The following DENND1B variants were observed in gnomAD, a reference collection of about 807,000 sequenced individuals.
DENND1B encodes DENN domain containing 1B, also known as DENN domain-containing protein 1B.
In DENND1B, 59 loss-of-function variants were observed where a neutral mutation model predicts 90.1. The observed-to-expected ratio is 0.65, with a 90% CI of 0.53 to 0.81. The LOEUF (loss-of-function observed/expected upper bound fraction) is 0.81. Among genes scored for constraint, DENND1B ranks in the 40% least tolerant of loss-of-function variants. The pLI is 0.00. For missense variants in DENND1B, 862 were observed against 912.6 expected (o/e 0.94, Z 0.71); for synonymous variants, 337 against 324.6 (o/e 1.04, Z -0.41).
chr1:197,527,727 T>C (rs968469526), intron 20 of DENND1B, among the ~76,000 whole-genome samples: 1 of 152,254 alleles, frequency 6.6e-6, no homozygotes, highest in Non-Finnish European at 1.5e-5. Flanking sequence ...TGTATTATTT[T>C]GTAAACGTTT....
At chr1:197,750,175 T>C (rs972777017) in intron 2 of DENND1B, among the ~76,000 whole-genome samples, 13 of 152,162 alleles carry the variant, frequency 8.5e-5, no homozygotes, top group African/African-American at 2.9e-4. Context: ...GAAAAAATAG[T>C]GTATGACAGC....
At chr1:197,530,169 T>G (rs1669517772) in intron 20 of DENND1B, among the ~76,000 whole-genome samples, 1 of 152,202 alleles carries the variant, frequency 6.6e-6, no homozygotes, top group Admixed American at 6.5e-5. Context: ...AAAGATAAGC[T>G]AAATAATGGA....
intron 10 of DENND1B, among the ~76,000 whole-genome samples, chr1:197,636,133 C>T (rs979005937): frequency 6.6e-6 from 1 of 151,810 alleles, no homozygotes; most frequent in East Asian, 1.9e-4. Flanking sequence ...AATGAGTAAC[C>T]AATAGATTTT....
Position 197,539,991 on chromosome 1 carries a change from T to A in DENND1B, c.1488A>T (p.Gly496=). 1 of 1,613,380 alleles carries A rather than the reference T, an allele frequency of 6.2e-7. No individual in the cohort carries two copies. ...PVYKLHNEKG[G]NSEKRKLAQA... ...GAGCAAGCTTACGCTTTTCTGAGTT[T>A]CCTCCCTTTTCATTGTGTAATTTGT... Residue 496 remains glycine (G), a synonymous_variant, in exon 20 of 23, where the codon GGA becomes GGT. Transcript: ENST00000620048.
At chr1:197,643,421 T>G (rs2477553) in intron 9 of DENND1B, among the ~76,000 whole-genome samples, 29,493 of 151,896 alleles carry the variant, frequency 0.19, 2,957 homozygotes, top group Non-Finnish European at 0.2. Flanking sequence ...CCTCCCAAGT[T>G]CTGGGATTAC....
chr1:197,562,473 T>C (rs1490386367), intron 15 of DENND1B, among the ~76,000 whole-genome samples: 2 of 151,862 alleles, frequency 1.3e-5, no homozygotes, highest in African/African-American at 4.8e-5. Context: ...ATTACAGGAT[T>C]ATATTATATG....
intron 12 of DENND1B, among the ~76,000 whole-genome samples, chr1:197,610,391 C>T (rs1171740692): frequency 6.7e-6 from 1 of 150,084 alleles, no homozygotes; most frequent in African/African-American, 2.4e-5. Context: ...AATATATACC[C>T]TTTTATACAG....
At chr1:197,528,578 T>C (rs1051483744) in intron 20 of DENND1B, among the ~76,000 whole-genome samples, 2 of 152,158 alleles carry the variant, frequency 1.3e-5, no homozygotes, top group Non-Finnish European at 1.5e-5. Flanking sequence ...AACATTCTTA[T>C]GGCCGGGCGC....
At chr1:197,527,269 T>G (rs1329655270) in intron 20 of DENND1B, among the ~76,000 whole-genome samples, 1 of 152,002 alleles carries the variant, frequency 6.6e-6, no homozygotes, top group Non-Finnish European at 1.5e-5. Context: ...GAACATTCAC[T>G]TAACTTATTT....
At position 197,510,630 on chromosome 1, in the gene DENND1B, C is replaced by G. The variant is rs779800670; in HGVS notation, c.2158G>C (p.Gly720Arg). Reference sequence around the variant, plus strand: ...GGAACAAAAGTCGATGAATGCCGCCCAAGACCGGGTATAAGCAGATCATCT... The same window carrying G: ...GGAACAAAAGTCGATGAATGCCGCCGAAGACCGGGTATAAGCAGATCATCT... ...ISDDLLIPGL[G>R]RHSSTFVPWE... The change falls in exon 23 of 23, where the codon GGG (glycine) becomes CGG (arginine). Residue 720 changes from glycine to arginine, a missense_variant. Gly to Arg is a moderately radical substitution (Grantham distance 125). Coordinates refer to ENST00000620048, the MANE Select transcript of DENND1B (RefSeq NM_001195215.2). 1.2e-6 allele frequency: 2 copies of G among 1,612,812 alleles called. No homozygotes were observed. Among genetic ancestry groups the G allele is most frequent in the Admixed American group, 3.3e-5 (2 of 59,818 alleles).
intron 3 of DENND1B, among the ~76,000 whole-genome samples, chr1:197,707,108 G>A (rs1659616271): frequency 6.6e-6 from 1 of 152,116 alleles, no homozygotes. Flanking sequence ...TGTCATTCAT[G>A]GCAACACAGA....
chr1:197,780,413 C>T (rs1304612786), upstream of DENND1B, among the ~76,000 whole-genome samples: 1 of 151,546 alleles, frequency 6.6e-6, no homozygotes, highest in African/African-American at 2.4e-5. Context: ...GCAACCTCCA[C>T]CTCCTGGGTT....
chr1:197,703,824 C>T (rs1019376133), intron 3 of DENND1B, among the ~76,000 whole-genome samples: 8 of 152,104 alleles, frequency 5.3e-5, no homozygotes, highest in African/African-American at 1.2e-4. Context: ...TGCAAACATT[C>T]TCCATTCTTT....
chr1:197,519,504 T>C (rs2125609000), intron 20 of DENND1B, among the ~76,000 whole-genome samples: 1 of 152,020 alleles, frequency 6.6e-6, no homozygotes, highest in African/African-American at 2.4e-5. Context: ...AGCACAGTGA[T>C]AACTAAGAAG....
intron 10 of DENND1B, among the ~76,000 whole-genome samples, chr1:197,620,593 C>T (rs1437052312): frequency 6.6e-6 from 1 of 151,330 alleles, no homozygotes; most frequent in African/African-American, 2.4e-5. Flanking sequence ...TTCAGATCCA[C>T]TTTCAAAATA....
chr1:197,635,118 A>G lies in DENND1B; in HGVS notation c.672+7593T>C, dbSNP rs1349800415. On this transcript the variant is annotated intron_variant, in intron 10 of 22. Transcript: ENST00000620048. The stretch of plus-strand genomic sequence containing the variant: ...AGAAACTTTCATTATTTAAAGAGAC[A>G]AATGTCAAAGAGATAAATCAAGGGA... Among the ~76,000 whole-genome samples the G allele has an allele frequency of 2.6e-5, 4 of 152,366 alleles. No homozygotes were observed. The East Asian group carries it at 7.7e-4, about 29-fold the overall frequency.
chr1:197,521,692 C>T (rs1668789137), intron 20 of DENND1B, among the ~76,000 whole-genome samples: 1 of 151,888 alleles, frequency 6.6e-6, no homozygotes, highest in African/African-American at 2.4e-5. Context: ...TCTTAAAATG[C>T]ATGGCAGTTT....
chr1:197,516,681 A>C (rs1222259453), intron 20 of DENND1B, among the ~76,000 whole-genome samples: 3 of 151,708 alleles, frequency 2.0e-5, no homozygotes, highest in Non-Finnish European at 4.4e-5. Flanking sequence ...GTAGTAAGTA[A>C]GTTTAGACTG....
chr1:197,584,270 GTAAC>G (rs550294269), intron 14 of DENND1B, among the ~76,000 whole-genome samples: 1 of 152,138 alleles, frequency 6.6e-6, no homozygotes, highest in Non-Finnish European at 1.5e-5. Flanking sequence ...AATAATGAGA[GTAAC>G]TAATTAAACT....
Sources: allele counts gnomAD v4.1 joint callset (sites outside exome capture counted in the v4.1 genomes callset), GRCh38; gene constraint gnomAD v4.1.1; transcripts MANE v1.5; gene names NCBI Gene and HGNC (gene_info 2026-07-23, HGNC 2026-07-21).